The following PTPN13 variants were observed in gnomAD, a reference collection of about 807,000 sequenced individuals.
PTPN13 encodes tyrosine-protein phosphatase non-receptor type 13.
Under a neutral mutation model 284.0 loss-of-function variants are expected in PTPN13, and 191 were observed. The observed-to-expected ratio is 0.67, with a 90% confidence interval of 0.60 to 0.76. The LOEUF (loss-of-function observed/expected upper bound fraction) is 0.76. Among genes scored for constraint, PTPN13 ranks in the 30% least tolerant of loss-of-function variants. The pLI is 0.00. For missense variants in PTPN13, 2,797 were observed against 2,939.9 expected (o/e 0.95, Z 1.12); for synonymous variants, 986 against 1,022.3 (o/e 0.96, Z 0.68).
chr4:86,814,429 A>C, intron 47 of PTPN13, 27 bp from the exon 48 acceptor site: 7 of 1,389,982 alleles, frequency 5.0e-6, no homozygotes, highest in Non-Finnish European at 7.2e-6. Flanking sequence ...CATCTAAAGT[A>C]TTCTATCTCA....
intron 40 of PTPN13, among the ~76,000 whole-genome samples, chr4:86,795,972 G>A (rs10009278): frequency 0.1 from 15,130 of 152,036 alleles, 869 homozygotes; most frequent in Non-Finnish European, 0.11. Flanking sequence ...AAACCAACAA[G>A]GCACATGTCT....
chr4:86,680,351 ATC>A (rs1728745730), intron 3 of PTPN13, among the ~76,000 whole-genome samples: 1 of 47,282 alleles, frequency 2.1e-5, no homozygotes, highest in African/African-American at 7.9e-5. Flanking sequence ...ATCTATCTCT[ATC>A]TATCTATCTA....
At chr4:86,625,893 G>A (rs572017704) in intron 1 of PTPN13, among the ~76,000 whole-genome samples, 7 of 152,202 alleles carry the variant, frequency 4.6e-5, no homozygotes, top group Admixed American at 6.5e-5. Context: ...TGTTTTATCC[G>A]TATTTGTTTC....
At chr4:86,614,426 TC>T (rs1201834365) in intron 1 of PTPN13, among the ~76,000 whole-genome samples, 2 of 152,182 alleles carry the variant, frequency 1.3e-5, no homozygotes, top group Non-Finnish European at 1.5e-5. Context: ...AAAAGGATAA[TC>T]TTTTTTTTAC....
At chr4:86,731,250 A>T (rs184233460) in intron 10 of PTPN13, among the ~76,000 whole-genome samples, 1 of 152,174 alleles carries the variant, frequency 6.6e-6, no homozygotes, top group Non-Finnish European at 1.5e-5. Context: ...CCTTTTGCCC[A>T]TTAAGATATG....
chr4:86,707,593 A>G (rs1234702141), intron 7 of PTPN13, among the ~76,000 whole-genome samples: 1 of 152,198 alleles, frequency 6.6e-6, no homozygotes, highest in African/African-American at 2.4e-5. Context: ...ATGTTCAAGT[A>G]TTATGTGTGG....
intron 1 of PTPN13, among the ~76,000 whole-genome samples, chr4:86,632,784 A>T (rs1332454917): frequency 6.6e-6 from 1 of 151,542 alleles, no homozygotes; most frequent in Non-Finnish European, 1.5e-5. Flanking sequence ...TATACTTCAC[A>T]TACAATAAAA....
rs868255772 is a variant in PTPN13 at position 86,638,051 on chromosome 4, C to T, written c.115+2680C>T. Among the ~76,000 whole-genome samples the T allele has an allele frequency of 2.3e-3, 353 of 152,068 alleles. 1 individual carries two copies. The highest frequency in any genetic ancestry group is 8.2e-3 in the African/African-American group (338 of 41,464). ...CACCAATAACAGACAAACAGAGAGC[C>T]AAATCATGAGTGAACTCCCATTCAC... On this transcript the variant is annotated intron_variant, in intron 2 of 47. Transcript: ENST00000411767.
Position 86,717,037 on chromosome 4 carries a change from A to C in PTPN13, c.1305A>C (p.Glu435Asp). ...ESDFRQVRRS[E>D]ASKRFESSSG... ...ATTCATAATTAGTGAGAAGAAGTGA[A>C]GCCTCAAAGAGGTTTGAATCCAGCA... The change falls in exon 9 of 48, where the codon GAA becomes GAC. Residue 435 changes from glutamate (E) to aspartate (D), a missense_variant. By Grantham distance (45) the Glu-to-Asp change is conservative. Transcript: ENST00000411767. 6.2e-7 allele frequency: 1 copy of C among 1,612,018 alleles called. No homozygotes were observed. The highest frequency in any genetic ancestry group is 1.1e-5 in the South Asian group (1 of 90,816).
intron 1 of PTPN13, among the ~76,000 whole-genome samples, chr4:86,624,190 A>G (rs1721577228): frequency 6.6e-6 from 1 of 152,010 alleles, no homozygotes; most frequent in East Asian, 1.9e-4. Context: ...TCTTTTTTAT[A>G]CTGCATAGAC....
chr4:86,784,780 T>C (rs550437395), intron 38 of PTPN13, among the ~76,000 whole-genome samples: 2 of 152,238 alleles, frequency 1.3e-5, no homozygotes, highest in South Asian at 4.1e-4. Context: ...AGCTGCTGTG[T>C]TTTACAGTGT....
intron 2 of PTPN13, among the ~76,000 whole-genome samples, chr4:86,671,257 C>A (rs1389408170): frequency 1.1e-4 from 17 of 152,036 alleles, no homozygotes; most frequent in Non-Finnish European, 2.2e-4. Context: ...AAATTCAGTT[C>A]TGGTTGTTTT....
chr4:86,645,943 T>C (rs550942872), intron 2 of PTPN13, among the ~76,000 whole-genome samples: 7 of 152,266 alleles, frequency 4.6e-5, no homozygotes, highest in African/African-American at 1.7e-4. Flanking sequence ...ATTATAAAGC[T>C]ACAGTAATCA....
chr4:86,778,927 G>T (rs1170359364), intron 35 of PTPN13, among the ~76,000 whole-genome samples: 3 of 148,370 alleles, frequency 2.0e-5, no homozygotes, highest in Admixed American at 2.0e-4. Context: ...ATAAAAATGA[G>T]TTGGAAAAAA....
intron 1 of PTPN13, among the ~76,000 whole-genome samples, chr4:86,603,117 T>C (rs996969894): frequency 4.6e-5 from 7 of 152,338 alleles, no homozygotes; most frequent in African/African-American, 1.7e-4. Context: ...GTAGGTTTGA[T>C]TTAATTAAAT....
intron 31 of PTPN13, 23 bp downstream of exon 31, chr4:86,771,558 C>T (rs1346841697): frequency 2.6e-6 from 4 of 1,529,590 alleles, no homozygotes; most frequent in Admixed American, 2.1e-5. Flanking sequence ...TAATGTGAAC[C>T]GCTCAAAGCA....
intron 19 of PTPN13, among the ~76,000 whole-genome samples, chr4:86,752,713 T>C (rs72872257): frequency 0.013 from 1,976 of 152,310 alleles, 51 homozygotes; most frequent in African/African-American, 0.045. Context: ...GAATATTCTT[T>C]TAACACTTGA....
chr4:86,775,066 G>A (rs769650592), intron 33 of PTPN13, 105 bp from the exon 34 acceptor site: 16 of 783,214 alleles, frequency 2.0e-5, no homozygotes, highest in Non-Finnish European at 3.1e-5. Context: ...TCTCTTACTA[G>A]CTAATATATA....
intron 40 of PTPN13, among the ~76,000 whole-genome samples, chr4:86,792,040 C>T (rs10013258): frequency 0.1 from 15,139 of 151,878 alleles, 871 homozygotes; most frequent in Non-Finnish European, 0.11. Context: ...TTCAGAAGGT[C>T]GGTAATAACA....
Sources: gnomAD v4.1 joint callset for allele counts (sites outside exome capture counted in the v4.1 genomes callset) on GRCh38, gnomAD v4.1.1 for gene constraint, MANE v1.5 for transcripts, NCBI Gene and HGNC (gene_info 2026-07-23, HGNC 2026-07-21) for gene names.